RBFOX2: variants seen among roughly 807,000 people sequenced by gnomAD.
RBFOX2 encodes RNA binding fox-1 homolog 2.
In RBFOX2, 10 loss-of-function variants were observed where a neutral mutation model predicts 49.1. The ratio of observed to expected loss-of-function variants is 0.20; its 90% CI spans 0.13 to 0.35. The LOEUF (loss-of-function observed/expected upper bound fraction) is 0.35, where lower values mean the gene tolerates loss of function less well. RBFOX2 is among the 10% of genes least tolerant of loss of function. The pLI, the probability that RBFOX2 is intolerant of heterozygous loss-of-function variation, is 1.00. For missense variants in RBFOX2, 323 were observed against 486.9 expected, an observed-to-expected ratio of 0.66 and a Z score of 3.17; for synonymous variants, 183 against 187.4, an observed-to-expected ratio of 0.98 and a Z score of 0.19.
intron 1 of RBFOX2, among the ~76,000 whole-genome samples, chr22:35,885,312 TG>T (rs2046421169): frequency 1.3e-5 from 2 of 152,168 alleles, no homozygotes; most frequent in African/African-American, 4.8e-5. Flanking sequence ...AAAACCATGA[TG>T]TTTTTTACCT....
intron 1 of RBFOX2, among the ~76,000 whole-genome samples, chr22:35,984,697 A>G (rs2150077133): frequency 1.3e-5 from 2 of 152,272 alleles, no homozygotes; most frequent in Admixed American, 1.3e-4. Context: ...TTCTGTATCA[A>G]AAATAGCTTT....
At chr22:35,866,341 T>C (rs1373076700) in intron 1 of RBFOX2, among the ~76,000 whole-genome samples, 1 of 152,220 alleles carries the variant, frequency 6.6e-6, no homozygotes, top group South Asian at 2.1e-4. Flanking sequence ...TTTTTGAAAG[T>C]GCATACATTA....
chr22:35,900,395 C>T (rs575720784), intron 1 of RBFOX2, among the ~76,000 whole-genome samples: 61 of 151,720 alleles, frequency 4.0e-4, no homozygotes, highest in African/African-American at 1.4e-3. Flanking sequence ...GTAGGTATAC[C>T]GGGGGAGCCA....
At chr22:35,780,262 T>TC (rs1944840427) in intron 3 of RBFOX2, among the ~76,000 whole-genome samples, 1 of 152,098 alleles carries the variant, frequency 6.6e-6, no homozygotes, top group Non-Finnish European at 1.5e-5. Context: ...CCCAGTGTCT[T>TC]GTCACCGTGA....
intron 1 of RBFOX2, among the ~76,000 whole-genome samples, chr22:35,838,336 A>G (rs1054869842): frequency 6.6e-6 from 1 of 151,612 alleles, no homozygotes; most frequent in African/African-American, 2.4e-5. Context: ...ACACTCGGCC[A>G]CAAATAAACA....
intron 1 of RBFOX2, among the ~76,000 whole-genome samples, chr22:35,886,819 T>C (rs1036998832): frequency 3.3e-5 from 5 of 152,168 alleles, no homozygotes; most frequent in African/African-American, 1.2e-4. Flanking sequence ...TGAAACGTCT[T>C]TATGTGGTAC....
intron 1 of RBFOX2, among the ~76,000 whole-genome samples, chr22:35,878,332 T>C (rs924424427): frequency 7.2e-5 from 11 of 152,056 alleles, no homozygotes; most frequent in Non-Finnish European, 1.3e-4. Context: ...CAGGAGGCGA[T>C]AGCTGCAGTG....
At chr22:35,888,185 C>T (rs537354829) in intron 1 of RBFOX2, among the ~76,000 whole-genome samples, 70 of 152,154 alleles carry the variant, frequency 4.6e-4, no homozygotes, top group Non-Finnish European at 9.0e-4. Flanking sequence ...ACTGACTCGC[C>T]ACCACATACA....
At chr22:36,011,000 C>T (rs532218796) in intron 1 of RBFOX2, among the ~76,000 whole-genome samples, 46 of 152,250 alleles carry the variant, frequency 3.0e-4, no homozygotes, top group African/African-American at 1.1e-3. Context: ...AAACTTAGTT[C>T]ACTGAACAGC....
At chr22:36,010,051 T>C (rs2058756837) in intron 1 of RBFOX2, among the ~76,000 whole-genome samples, 2 of 152,182 alleles carry the variant, frequency 1.3e-5, no homozygotes, top group South Asian at 2.1e-4. Context: ...GCCCTAGAGA[T>C]GCTGGCCAGA....
upstream of RBFOX2, among the ~76,000 whole-genome samples, chr22:35,963,059 CAAAAA>C (rs34027896): frequency 8.9e-5 from 3 of 33,590 alleles, no homozygotes; most frequent in Admixed American, 4.4e-4. Context: ...AACTCTCCAG[CAAAAA>C]AAAAAAAAAA....
chr22:35,922,832 C>T lies in RBFOX2; in HGVS notation c.-34+16015G>A, dbSNP rs184498012. Among the ~76,000 whole-genome samples the T allele has an allele frequency of 3.9e-4, 60 of 152,280 alleles. 1 individual carries two copies. The highest frequency in any genetic ancestry group is 1.3e-3 in the African/African-American group (55 of 41,552). ...TAATCTAAGCCTGCTTCCCTGCTAC[C>T]GTGCCAGAGTTCCTGAGTAGCTCTA... On this transcript the variant is annotated intron_variant, in intron 1 of 13. Transcript: ENST00000359369.
At chr22:35,951,264 T>TTTTAG (rs2054895935) in intron 1 of RBFOX2, among the ~76,000 whole-genome samples, 1 of 131,384 alleles carries the variant, frequency 7.6e-6, no homozygotes, top group Non-Finnish European at 1.6e-5. Flanking sequence ...TTTTTTTTTT[T>TTTTAG]GAGACGGAGT....
chr22:35,998,096 T>C (rs1352611399), intron 1 of RBFOX2: 3 of 152,210 alleles, frequency 2.0e-5, no homozygotes. Context: ...CTCCCTCTTT[T>C]TCTCCTTTAT....
At chr22:35,943,145 TTAAAG>T (rs965069379), upstream of RBFOX2, among the ~76,000 whole-genome samples, 3 of 152,162 alleles carry the variant, frequency 2.0e-5, no homozygotes, top group African/African-American at 4.8e-5. Flanking sequence ...TGGTGCAAAA[TTAAAG>T]TAATGGTAAA....
intron 1 of RBFOX2, among the ~76,000 whole-genome samples, chr22:35,972,595 C>T (rs2056940214): frequency 6.6e-6 from 1 of 152,178 alleles, no homozygotes; most frequent in Non-Finnish European, 1.5e-5. Context: ...TGGGGCAAGG[C>T]AGATTCTTTC....
intron 2 of RBFOX2, among the ~76,000 whole-genome samples, chr22:35,800,829 A>G (rs904380290): frequency 1.3e-5 from 2 of 152,258 alleles, no homozygotes; most frequent in Non-Finnish European, 1.5e-5. Flanking sequence ...ACAAAAGTCA[A>G]TTTAAAAATC....
At chr22:35,751,400 G>C (rs575688352) in intron 9 of RBFOX2, among the ~76,000 whole-genome samples, 1 of 152,260 alleles carries the variant, frequency 6.6e-6, no homozygotes, top group East Asian at 1.9e-4. Context: ...ATAGAGCAGA[G>C]GGTTGGGGGA....
intron 1 of RBFOX2, among the ~76,000 whole-genome samples, chr22:36,020,196 T>C (rs1402375224): frequency 2.6e-5 from 4 of 152,246 alleles, no homozygotes; most frequent in Non-Finnish European, 5.9e-5. Context: ...GCTAGCCATA[T>C]GCAGAAAGCT....
Sources: allele counts gnomAD v4.1 joint callset (sites outside exome capture counted in the v4.1 genomes callset), GRCh38; gene constraint gnomAD v4.1.1; transcripts MANE v1.5; gene names NCBI Gene and HGNC (gene_info 2026-07-23, HGNC 2026-07-21).